The following CYP4X1 variants were observed in gnomAD, a reference collection of about 807,000 sequenced individuals.
CYP4X1 encodes the protein cytochrome P450 family 4 subfamily X member 1, also known as cytochrome P450 4X1.
CYP4X1 carries 44 observed loss-of-function variants against 57.9 expected under a neutral mutation model. The ratio of observed to expected loss-of-function variants is 0.76; its 90% CI spans 0.60 to 0.98. The LOEUF is 0.98. CYP4X1 is among the 50% of genes least tolerant of loss of function. The pLI, the probability that CYP4X1 is intolerant of heterozygous loss-of-function variation, is 0.00. For missense variants in CYP4X1, 532 were observed against 623.9 expected (o/e 0.85, Z 1.57); for synonymous variants, 227 against 228.6 (o/e 0.99, Z 0.06).
upstream of CYP4X1, among the ~76,000 whole-genome samples, chr1:47,020,667 T>C (rs1643986289): frequency 6.6e-6 from 1 of 152,226 alleles, no homozygotes; most frequent in Non-Finnish European, 1.5e-5. Flanking sequence ...AGTGAATCTC[T>C]GGAATCCCAC....
the CYP4X1 span, among the ~76,000 whole-genome samples, chr1:46,980,203 G>C: frequency 6.6e-6 from 1 of 152,146 alleles, no homozygotes; most frequent in Non-Finnish European, 1.5e-5. Context: ...GTTTGCAGTT[G>C]ACATGATTTT....
At chr1:46,967,795 A>C in the CYP4X1 span, 1 of 1,359,220 alleles carries the variant, frequency 7.4e-7, no homozygotes, top group Non-Finnish European at 9.7e-7. Flanking sequence ...ATCAGGCAGC[A>C]GCTCAAAGCG....
the CYP4X1 span, among the ~76,000 whole-genome samples, chr1:46,981,261 C>A: frequency 3.3e-5 from 5 of 151,636 alleles, no homozygotes; most frequent in Non-Finnish European, 5.9e-5. Flanking sequence ...CCAGAATCTA[C>A]AAAGAACATA....
chr1:47,023,900 A>G lies in CYP4X1; in HGVS notation c.83A>G (p.Gln28Arg). The stretch of plus-strand genomic sequence containing the variant: ...TTCTGCCTGGCCCTGGGGCTGCTGC[A>G]GGCCATTAAGCTGTACCTGCGGAGG... ...FVFCLALGLLQAIKLYLRRQR... is the reference protein window; with the variant it reads ...FVFCLALGLLRAIKLYLRRQR... Residue 28 changes from glutamine to arginine, a missense_variant, in exon 1 of 12, where the codon CAG (glutamine) becomes CGG (arginine). Transcript: ENST00000371901. 3 of 1,613,716 alleles carry G rather than the reference A, an allele frequency of 1.9e-6. No individual in the cohort carries two copies. The highest frequency in any genetic ancestry group is 2.2e-5 in the South Asian group (2 of 91,058).
chr1:47,028,373 A>G (rs1178839858), intron 1 of CYP4X1, among the ~76,000 whole-genome samples: 1 of 152,232 alleles, frequency 6.6e-6, no homozygotes, highest in Non-Finnish European at 1.5e-5. Flanking sequence ...TAGGGATTGT[A>G]ATCATATCTA....
intron 1 of CYP4X1, among the ~76,000 whole-genome samples, chr1:47,024,649 G>A (rs1350826090): frequency 6.6e-5 from 10 of 152,196 alleles, no homozygotes; most frequent in Non-Finnish European, 1.5e-4. Flanking sequence ...TCCCTCCCCT[G>A]CACCACCCAA....
At chr1:47,003,565 T>G in the CYP4X1 span, among the ~76,000 whole-genome samples, 1 of 152,166 alleles carries the variant, frequency 6.6e-6, no homozygotes, top group African/African-American at 2.4e-5. Context: ...ACTGCTCAGC[T>G]TCTGGAAAGA....
At position 47,036,022 on chromosome 1, in the gene CYP4X1, A is replaced by G. The variant is rs1644176457; in HGVS notation, c.626A>G (p.His209Arg). The G allele has an allele frequency of 6.2e-7, 1 of 1,612,686 alleles. No individual in the cohort carries two copies. Among genetic ancestry groups the G allele is most frequent in the Middle Eastern group, 1.7e-4 (1 of 6,048 alleles). ...KETNCQTNST[H>R]DPYAKAIFEL... Reference sequence around the variant, plus strand: ...ATCCCAACTTTCTCTTCTAGCACCCATGATCCTTATGCAAAAGCCATATTT... The same window carrying G: ...ATCCCAACTTTCTCTTCTAGCACCCGTGATCCTTATGCAAAAGCCATATTT... Residue 209 changes from histidine to arginine, a missense_variant, in exon 6 of 12, where the codon CAT becomes CGT. His to Arg is a conservative substitution (Grantham distance 29). Coordinates refer to ENST00000371901, the MANE Select transcript of CYP4X1 (RefSeq NM_178033.2).
At chr1:46,993,454 G>A in the CYP4X1 span, among the ~76,000 whole-genome samples, 30 of 152,246 alleles carry the variant, frequency 2.0e-4, no homozygotes, top group Non-Finnish European at 3.2e-4. Flanking sequence ...ACCCAGTAAT[G>A]GGATGGCTGC....
chr1:47,004,800 T>G, the CYP4X1 span, among the ~76,000 whole-genome samples: 1 of 152,192 alleles, frequency 6.6e-6, no homozygotes, highest in Non-Finnish European at 1.5e-5. Context: ...TCCCTACATG[T>G]GGTGCAGCTC....
chr1:47,048,413 T>C (rs1477239198), intron 9 of CYP4X1, 152 bp from the exon 10 acceptor site: 3 of 816,292 alleles, frequency 3.7e-6, no homozygotes, highest in Non-Finnish European at 6.5e-6. Context: ...CGCATCTTCT[T>C]AGGTGCTCCT....
At chr1:47,021,948 C>G (rs1480015868), upstream of CYP4X1, among the ~76,000 whole-genome samples, 1 of 152,294 alleles carries the variant, frequency 6.6e-6, no homozygotes, top group Non-Finnish European at 1.5e-5. Context: ...GAAGTTTCAG[C>G]TCTGGGGCAG....
Position 47,048,561 on chromosome 1 carries a change from T to C in CYP4X1, c.1208-4T>C. 6.2e-7 allele frequency: 1 copy of C among 1,614,146 alleles called. No homozygotes were observed. Among genetic ancestry groups the C allele is most frequent in the Non-Finnish European group, 8.5e-7 (1 of 1,179,994 alleles). ...CAGTCTCTTTTATTTCCCTCCTTTCTTAGGGATCACCGTGGTTCTTAGTAT... is the reference window on the plus strand; with the variant it reads ...CAGTCTCTTTTATTTCCCTCCTTTCCTAGGGATCACCGTGGTTCTTAGTAT... On this transcript the variant is annotated splice_polypyrimidine_tract_variant and splice_region_variant and intron_variant, in intron 9 of 11. Coordinates refer to ENST00000371901, the MANE Select transcript of CYP4X1 (RefSeq NM_178033.2).
At chr1:46,997,118 C>G in the CYP4X1 span, among the ~76,000 whole-genome samples, 1 of 151,954 alleles carries the variant, frequency 6.6e-6, no homozygotes, top group Non-Finnish European at 1.5e-5. Flanking sequence ...ATGTCTACTC[C>G]TTTACAAAAA....
chr1:47,022,281 G>GCCTT (rs1185250751), upstream of CYP4X1, among the ~76,000 whole-genome samples: 3 of 128,484 alleles, frequency 2.3e-5, no homozygotes, highest in African/African-American at 3.0e-5. Context: ...CCTGGGGCCT[G>GCCTT]TCTTTTTTTT....
Position 47,032,727 on chromosome 1 carries a change from T to C in CYP4X1, c.365-514T>C, listed in dbSNP as rs572539030. ...AGAGTGGACACTCTTGTCTCTTTCC[T>C]TGTGAATTTATGTTCATCATATAGT... On this transcript the variant is annotated intron_variant, in intron 3 of 11. Coordinates refer to ENST00000371901, the MANE Select transcript of CYP4X1 (RefSeq NM_178033.2). Among the ~76,000 whole-genome samples the C allele has an allele frequency of 7.3e-4, 111 of 152,308 alleles. 1 individual carries two copies. Among genetic ancestry groups the C allele is most frequent in the African/African-American group, 2.6e-3 (107 of 41,574 alleles).
chr1:47,004,604 T>A, the CYP4X1 span, among the ~76,000 whole-genome samples: 1 of 152,142 alleles, frequency 6.6e-6, no homozygotes, highest in Non-Finnish European at 1.5e-5. Flanking sequence ...TTTGCCTTTT[T>A]TTTTTAATTT....
chr1:47,039,893 G>A (rs974320825), intron 8 of CYP4X1, among the ~76,000 whole-genome samples: 2 of 152,146 alleles, frequency 1.3e-5, no homozygotes, highest in Non-Finnish European at 2.9e-5. Flanking sequence ...TCTTCTGAGA[G>A]AGCTGAATGA....
At chr1:46,997,488 T>C in the CYP4X1 span, among the ~76,000 whole-genome samples, 1 of 152,236 alleles carries the variant, frequency 6.6e-6, no homozygotes. Context: ...TTTGATTTTC[T>C]GTCTGGGGAA....
Sources: gnomAD v4.1 joint callset for allele counts (sites outside exome capture counted in the v4.1 genomes callset) on GRCh38, gnomAD v4.1.1 for gene constraint, MANE v1.5 for transcripts, NCBI Gene and HGNC (gene_info 2026-07-23, HGNC 2026-07-21) for gene names.